The following PDE4B variants were observed in gnomAD, a reference collection of about 807,000 sequenced individuals.
PDE4B encodes 3',5'-cyclic-AMP phosphodiesterase 4B.
A neutral mutation model predicts 82.2 loss-of-function variants in PDE4B; 20 were observed. The observed-to-expected ratio is 0.24, with a 90% CI of 0.17 to 0.35. PDE4B has a LOEUF of 0.35. Among genes scored for constraint, PDE4B ranks in the 10% least tolerant of loss-of-function variants. The pLI is 1.00. For missense variants in PDE4B, 655 were observed against 907.2 expected, an observed-to-expected ratio of 0.72 and a Z score of 3.57; for synonymous variants, 320 against 318.9, an observed-to-expected ratio of 1.00 and a Z score of -0.04.
At chr1:65,817,323 T>C (rs1005316281) in intron 1 of PDE4B, among the ~76,000 whole-genome samples, 8 of 152,274 alleles carry the variant, frequency 5.3e-5, no homozygotes, top group Middle Eastern at 3.4e-3. Context: ...GTAGCTTTCA[T>C]TGGTGGCAGG....
At chr1:65,907,171 C>A (rs1343258776) in intron 1 of PDE4B, among the ~76,000 whole-genome samples, 1 of 152,066 alleles carries the variant, frequency 6.6e-6, no homozygotes, top group Admixed American at 6.6e-5. Context: ...GCACATTTGC[C>A]TCTGTTTATC....
chr1:65,814,378 G>A (rs1645855326), intron 1 of PDE4B, among the ~76,000 whole-genome samples: 1 of 152,130 alleles, frequency 6.6e-6, no homozygotes, highest in South Asian at 2.1e-4. Context: ...GATAAAAGAT[G>A]AATGTAATAT....
At chr1:66,108,224 C>A (rs1392427506) in intron 3 of PDE4B, among the ~76,000 whole-genome samples, 1 of 151,946 alleles carries the variant, frequency 6.6e-6, no homozygotes, top group South Asian at 2.1e-4. Flanking sequence ...ATCCCTGTCA[C>A]CTGCCCACCC....
intron 3 of PDE4B, among the ~76,000 whole-genome samples, chr1:65,932,480 C>T (rs1647891542): frequency 1.3e-5 from 2 of 151,976 alleles, no homozygotes; most frequent in Non-Finnish European, 2.9e-5. Context: ...TGAGGGTCTT[C>T]TCCTTTATAA....
At chr1:66,278,468 T>TCTGGAAAGCAA (rs1656053683) in intron 7 of PDE4B, among the ~76,000 whole-genome samples, 1 of 152,212 alleles carries the variant, frequency 6.6e-6, no homozygotes, top group Non-Finnish European at 1.5e-5. Flanking sequence ...GCTATGTGAC[T>TCTGGAAAGCAA]ATCTCTCTGG....
At chr1:65,834,046 T>C (rs1646112985) in intron 1 of PDE4B, among the ~76,000 whole-genome samples, 1 of 152,152 alleles carries the variant, frequency 6.6e-6, no homozygotes, top group South Asian at 2.1e-4. Context: ...TTTCTTTCTT[T>C]CGTTCTCTGT....
intron 7 of PDE4B, among the ~76,000 whole-genome samples, chr1:66,292,960 T>G (rs978297631): frequency 7.2e-5 from 11 of 152,144 alleles, no homozygotes; most frequent in African/African-American, 2.2e-4. Flanking sequence ...GGAAGTAAGT[T>G]GAAAAACAAA....
At chr1:65,880,862 A>G (rs1463328846) in intron 1 of PDE4B, among the ~76,000 whole-genome samples, 5 of 152,188 alleles carry the variant, frequency 3.3e-5, no homozygotes, top group African/African-American at 1.2e-4. Flanking sequence ...GCCAGGGAAA[A>G]TGAAGAGTAA....
intron 3 of PDE4B, among the ~76,000 whole-genome samples, chr1:66,070,001 T>C (rs1039372896): frequency 1.3e-5 from 2 of 152,066 alleles, no homozygotes; most frequent in Non-Finnish European, 2.9e-5. Context: ...ATGTGTGTAC[T>C]ATGTATTTTT....
At chr1:66,290,487 T>G (rs1287797585) in intron 7 of PDE4B, among the ~76,000 whole-genome samples, 1 of 152,006 alleles carries the variant, frequency 6.6e-6, no homozygotes, top group Non-Finnish European at 1.5e-5. Context: ...AGAGGGACAT[T>G]TGAGGAGAGA....
intron 3 of PDE4B, among the ~76,000 whole-genome samples, chr1:66,033,901 A>G (rs1181138297): frequency 6.6e-6 from 1 of 152,178 alleles, no homozygotes; most frequent in Non-Finnish European, 1.5e-5. Flanking sequence ...GAGGCAATGT[A>G]TGATGATTCT....
At chr1:65,813,055 G>A (rs964565416) in intron 1 of PDE4B, among the ~76,000 whole-genome samples, 1 of 152,140 alleles carries the variant, frequency 6.6e-6, no homozygotes, top group African/African-American at 2.4e-5. Flanking sequence ...ACGAGATTGG[G>A]AACAGGCAGA....
intron 3 of PDE4B, among the ~76,000 whole-genome samples, chr1:66,241,087 T>C (rs1340994535): frequency 6.6e-6 from 1 of 152,240 alleles, no homozygotes; most frequent in Non-Finnish European, 1.5e-5. Context: ...TGGAAGCTGC[T>C]TCTAGACTTC....
chr1:66,096,529 T>A (rs1049689913), intron 3 of PDE4B, among the ~76,000 whole-genome samples: 1 of 142,540 alleles, frequency 7.0e-6, no homozygotes, highest in Non-Finnish European at 1.5e-5. Flanking sequence ...TATATATATA[T>A]ATATATATAT....
chr1:66,280,151 C>T (rs1656191324), intron 7 of PDE4B, among the ~76,000 whole-genome samples: 1 of 152,226 alleles, frequency 6.6e-6, no homozygotes, highest in Admixed American at 6.5e-5. Context: ...TGAGTCTTCA[C>T]TTCAAAACAA....
chr1:66,000,226 T>C (rs1296060085), intron 3 of PDE4B, among the ~76,000 whole-genome samples: 1 of 152,220 alleles, frequency 6.6e-6, no homozygotes, highest in Non-Finnish European at 1.5e-5. Context: ...TCTCACCAAA[T>C]GCCTGAGGAG....
At chr1:66,326,270 A>G (rs1659745966) in intron 7 of PDE4B, among the ~76,000 whole-genome samples, 1 of 152,192 alleles carries the variant, frequency 6.6e-6, no homozygotes, top group Non-Finnish European at 1.5e-5. Flanking sequence ...ACAAATCACA[A>G]GTTTAGAAAT....
intron 3 of PDE4B, among the ~76,000 whole-genome samples, chr1:66,229,564 C>G (rs1293587311): frequency 1.3e-5 from 2 of 152,202 alleles, no homozygotes; most frequent in Non-Finnish European, 2.9e-5. Context: ...GTTCATAACT[C>G]TTCACTAAAT....
chr1:65,815,643 AT>A (rs1645874483), intron 1 of PDE4B, among the ~76,000 whole-genome samples: 1 of 152,210 alleles, frequency 6.6e-6, no homozygotes, highest in South Asian at 2.1e-4. Flanking sequence ...TGAGAAACCA[AT>A]TGTAAAATTA....
Sources: gnomAD v4.1 joint callset for allele counts (sites outside exome capture counted in the v4.1 genomes callset) on GRCh38, gnomAD v4.1.1 for gene constraint, MANE v1.5 for transcripts, NCBI Gene and HGNC (gene_info 2026-07-23, HGNC 2026-07-21) for gene names.